Variants in CATSPER1 observed in about 807,000 individuals in gnomAD.
CATSPER1 encodes the protein cation channel sperm-associated protein 1.
CATSPER1 carries 57 observed loss-of-function variants against 72.7 expected under a neutral mutation model. The ratio of observed to expected loss-of-function variants is 0.78; its 90% confidence interval spans 0.63 to 0.98. The LOEUF is 0.98. Among genes scored for constraint, CATSPER1 ranks in the 50% least tolerant of loss-of-function variants. The probability of loss-of-function intolerance (pLI) is 0.00; values close to 1 mark genes in which losing one functional copy is unlikely to be tolerated. For synonymous variants in CATSPER1, 363 were observed against 403.0 expected (o/e 0.90, Z 1.19); for missense variants, 910 against 1,033.9 (o/e 0.88, Z 1.64).
chr11:66,021,021 C>A (rs1856356152), intron 5 of CATSPER1, 67 bp from the exon 6 acceptor site: 1 of 1,609,104 alleles, frequency 6.2e-7, no homozygotes, highest in Non-Finnish European at 8.5e-7. Flanking sequence ...CGTCCTGCCC[C>A]ATCCCTGCTC....
intron 2 of CATSPER1, 110 bp downstream of exon 2, chr11:66,022,739 G>T: frequency 1.0e-6 from 1 of 1,004,952 alleles, no homozygotes; most frequent in Non-Finnish European, 1.6e-6. Flanking sequence ...CCAGGGGTGA[G>T]GATCAAGTGA....
rs1378689421 is a variant in CATSPER1 at position 66,025,574 on chromosome 11, T to G, written c.806A>C (p.Gln269Pro). 1 of 1,605,344 alleles carries G rather than the reference T, an allele frequency of 6.2e-7. No individual in the cohort carries two copies. The highest frequency in any genetic ancestry group is 1.3e-5 in the African/African-American group (1 of 74,672). ...GISDYHSEYH[Q>P]GDHHPSEYHH... ...GTACTCACTGGGGTGGTGATCACCT[T>G]GGTGGTACTCGCTGTGATAGTCAGA... Residue 269 changes from glutamine (Q) to proline (P), a missense_variant, in exon 1 of 12, where the codon CAA becomes CCA. By Grantham distance (76) the Gln-to-Pro change is moderately conservative. Transcript: ENST00000312106.
At position 66,025,821 on chromosome 11, in the gene CATSPER1, A is replaced by T. The variant is rs1856489979; in HGVS notation, c.559T>A (p.Tyr187Asn). ...GSYLPHGPNP[Y>N]SESFHHSEAS... is the part of the protein sequence containing the mutation. The stretch of plus-strand genomic sequence containing the variant: ...TCGCTGTGGTGGAAGGACTCACTGT[A>T]GGGATTGGGTCCATGGGGGAGGTAG... Residue 187 changes from tyrosine to asparagine, a missense_variant, in exon 1 of 12, where the codon TAC becomes AAC. Physicochemically the swap from Tyr to Asn is moderately radical, Grantham distance 143. Transcript: ENST00000312106. The T allele has an allele frequency of 1.9e-6, 3 of 1,611,440 alleles. No individual in the cohort carries two copies. The highest frequency in any genetic ancestry group is 2.5e-6 in the Non-Finnish European group (3 of 1,179,156).
Position 66,020,304 on chromosome 11 carries a change from C to T in CATSPER1, c.2064+13G>A, listed in dbSNP as rs1377328463. 6 of 1,614,180 alleles carry T rather than the reference C, an allele frequency of 3.7e-6. No individual in the cohort carries two copies. The highest frequency in any genetic ancestry group is 4.5e-5 in the East Asian group (2 of 44,882). ...TTCCTGATCTGGTCCACCTGTCCCA[C>T]CCCACTCGGTACCTCCTGCTTCGCT... On this transcript the variant is annotated intron_variant, in intron 8 of 11. Coordinates refer to ENST00000312106, the MANE Select transcript of CATSPER1 (RefSeq NM_053054.4). The surrounding 1 kb of genome is among the most constrained non-coding windows in gnomAD (Gnocchi z 4.5).
At position 66,017,193 on chromosome 11, in the gene CATSPER1, G is replaced by GTGGGGGGGGGGGGGGGGGGGC; in HGVS notation, c.2202-20_2202-19insGCCCCCCCCCCCCCCCCCCCA. The GTGGGGGGGGGGGGGGGGGGGC allele has an allele frequency of 2.0e-6, 1 of 493,814 alleles. No individual in the cohort carries two copies. Among genetic ancestry groups the GTGGGGGGGGGGGGGGGGGGGC allele is most frequent in the East Asian group, 5.5e-5 (1 of 18,090 alleles). The allele number at this position is 493,814 out of a possible 1,614,324, so 30.6% of individuals were successfully genotyped here. ...CTGCTGCCTGCGGGTGGGCGGGGGGGTCGCAGAGACAGGGGCTGGGCTGAC... is the reference window on the plus strand; with the variant it reads ...CTGCTGCCTGCGGGTGGGCGGGGGGGTGGGGGGGGGGGGGGGGGGGCTCGCAGAGACAGGGGCTGGGCTGAC... On this transcript the variant is annotated intron_variant, in intron 10 of 11. Transcript: ENST00000312106.
rs530527428 is a variant in CATSPER1 at position 66,020,312 on chromosome 11, G to A, written c.2064+5C>T. On this transcript the variant is annotated splice_donor_5th_base_variant and intron_variant, in intron 8 of 11. Coordinates refer to ENST00000312106, the MANE Select transcript of CATSPER1 (RefSeq NM_053054.4). This position sits in a 1 kb window ranked among gnomAD's most constrained non-coding sequence, Gnocchi z 4.5. ...CTGGTCCACCTGTCCCACCCCACTCGGTACCTCCTGCTTCGCTTTCTCAAG... is the reference window on the plus strand; with the variant it reads ...CTGGTCCACCTGTCCCACCCCACTCAGTACCTCCTGCTTCGCTTTCTCAAG... The A allele has an allele frequency of 3.7e-6, 6 of 1,614,134 alleles. No individual in the cohort carries two copies. Among genetic ancestry groups the A allele is most frequent in the East Asian group, 2.2e-5 (1 of 44,884 alleles).
intron 5 of CATSPER1, 57 bp from the exon 6 acceptor site, chr11:66,021,011 CGTCCT>C: frequency 1.2e-6 from 2 of 1,611,414 alleles, no homozygotes; most frequent in Non-Finnish European, 1.7e-6. Context: ...CAGCGCCCCT[CGTCCT>C]GCCCCATCCC....
At chr11:66,017,231 C>T (rs934077214) in intron 10 of CATSPER1, 57 bp from the exon 11 acceptor site, 5 of 1,333,468 alleles carry the variant, frequency 3.7e-6, no homozygotes, top group African/African-American at 1.4e-5. Context: ...GCTGGCTGGG[C>T]CTACTGCACC....
chr11:66,017,351 A>G (rs1856260058), intron 10 of CATSPER1, among the ~76,000 whole-genome samples, 177 bp from the exon 11 acceptor site: 1 of 152,138 alleles, frequency 6.6e-6, no homozygotes, highest in Non-Finnish European at 1.5e-5. Flanking sequence ...AAAGAGCCCA[A>G]GTCTGCCTGT....
In CATSPER1 at chr11:66,020,766, C is replaced by T. The variant is rs1259542153; in HGVS notation, c.1927+45G>A. On this transcript the variant is annotated intron_variant, in intron 6 of 11. Coordinates refer to ENST00000312106, the MANE Select transcript of CATSPER1 (RefSeq NM_053054.4). This position sits in a 1 kb window ranked among gnomAD's most constrained non-coding sequence, Gnocchi z 4.5. ...GGGTCACTGAGCCCTGGCCGGTCCA[C>T]CCCGCCAATCCCCGGCCCTCCCTGC... 1.2e-6 allele frequency: 2 copies of T among 1,612,702 alleles called. No individual in the cohort carries two copies. The highest frequency in any genetic ancestry group is 8.5e-7 in the Non-Finnish European group (1 of 1,179,536).
rs1286909936 is a variant in CATSPER1, at chr11:66,025,444, A to C, written c.936T>G (p.Ser312Arg). Residue 312 changes from serine (S) to arginine (R), a missense_variant, in exon 1 of 12, where the codon AGT becomes AGG. Ser to Arg is a moderately radical substitution (Grantham distance 110, BLOSUM62 -1). Coordinates refer to ENST00000312106, the MANE Select transcript of CATSPER1 (RefSeq NM_053054.4). ...HQDHHGAYHS[S>R]YLHGDYVQST... Reference sequence around the variant, plus strand: ...TCTGGACGTAGTCGCCATGGAGGTAACTGGAATGATACGCGCCGTGGTGGT... The same window carrying C: ...TCTGGACGTAGTCGCCATGGAGGTACCTGGAATGATACGCGCCGTGGTGGT... 14 of 1,610,494 alleles carry C rather than the reference A, an allele frequency of 8.7e-6. No homozygotes were observed. Among genetic ancestry groups the C allele is most frequent in the Non-Finnish European group, 1.1e-5 (13 of 1,179,394 alleles).
chr11:66,021,981 C>T (rs771337687), intron 2 of CATSPER1, 102 bp from the exon 3 acceptor site: 169 of 896,912 alleles, frequency 1.9e-4, no homozygotes, highest in Admixed American at 9.5e-4. Context: ...AGGCTCTCCC[C>T]GGCTCTGCGT....
Position 66,021,113 on chromosome 11 carries a change from G to A in CATSPER1, c.1764C>T (p.Ile588=). Residue 588 remains isoleucine, a synonymous_variant, in exon 5 of 12, where the codon ATC becomes ATT. Coordinates refer to ENST00000312106, the MANE Select transcript of CATSPER1 (RefSeq NM_053054.4). ...QSLPSIAAIL[I]LMFTCLFLFS... ...GGATACAGAGGCAGGTAAACATGAG[G>A]ATGAGGATGGCTGCGATGGACGGCA... 1.2e-6 allele frequency: 2 copies of A among 1,613,092 alleles called. No individual in the cohort carries two copies. The highest frequency in any genetic ancestry group is 8.5e-7 in the Non-Finnish European group (1 of 1,179,702).
chr11:66,020,443 A>G lies in CATSPER1; in HGVS notation c.1992-54T>C, dbSNP rs1856335975. 6.2e-7 allele frequency: 1 copy of G among 1,609,974 alleles called. No homozygotes were observed. Among genetic ancestry groups the G allele is most frequent in the South Asian group, 1.1e-5 (1 of 91,006 alleles). ...AGCGAGGAGGCCAGAGGAGAGGGGC[A>G]CCCGGTACTTCTTGTGGGTTCAGCG... On this transcript the variant is annotated intron_variant, in intron 7 of 11. Coordinates refer to ENST00000312106, the MANE Select transcript of CATSPER1 (RefSeq NM_053054.4). The surrounding 1 kb of genome is among the most constrained non-coding windows in gnomAD (Gnocchi z 4.5).
At position 66,020,947 on chromosome 11, in the gene CATSPER1, G is replaced by T; in HGVS notation, c.1791C>A (p.Phe597Leu). Residue 597 changes from phenylalanine (F) to leucine (L), a missense_variant, in exon 6 of 12, where the codon TTC becomes TTA. Transcript: ENST00000312106. The surrounding 1 kb of genome is among the most constrained non-coding windows in gnomAD (Gnocchi z 4.5). ...LILMFTCLFL[F>L]SAVLRALFRK... Reference sequence around the variant, plus strand: ...GGAACAGTGCCCGGAGGACCGCGGAGAAGAGGACTGGCTGTTCAGGGCCAA... The same window carrying T: ...GGAACAGTGCCCGGAGGACCGCGGATAAGAGGACTGGCTGTTCAGGGCCAA... 1.2e-6 allele frequency: 2 copies of T among 1,613,968 alleles called. No individual in the cohort carries two copies. The highest frequency in any genetic ancestry group is 1.7e-6 in the Non-Finnish European group (2 of 1,180,026).
Position 66,016,899 on chromosome 11 carries a change from G to A in CATSPER1, c.2334C>T (p.Phe778=). The A allele has an allele frequency of 6.2e-7, 1 of 1,614,034 alleles. No homozygotes were observed. Among genetic ancestry groups the A allele is most frequent in the South Asian group, 1.1e-5 (1 of 91,080 alleles). ...DTTFEAGEED[F]RN is the part of the protein sequence containing the mutation. Reference sequence around the variant, plus strand: ...TGGTGTCCTCCTGGGGTCAATTCCTGAAGTCCTCTTCTCCAGCCTGCAGGG... The same window carrying A: ...TGGTGTCCTCCTGGGGTCAATTCCTAAAGTCCTCTTCTCCAGCCTGCAGGG... The change falls in exon 12 of 12, where the codon TTC becomes TTT. Residue 778 remains phenylalanine, a synonymous_variant. Coordinates refer to ENST00000312106, the MANE Select transcript of CATSPER1 (RefSeq NM_053054.4).
At chr11:66,024,742 A>G (rs10896075) in intron 1 of CATSPER1, among the ~76,000 whole-genome samples, 120,227 of 152,076 alleles carry the variant, frequency 0.79, 48,009 homozygotes, top group Non-Finnish European at 0.84. Context: ...GGACAGATAG[A>G]ATCCACCATG....
At chr11:66,019,391 C>T (rs925827705) in intron 9 of CATSPER1, among the ~76,000 whole-genome samples, 1 of 152,048 alleles carries the variant, frequency 6.6e-6, no homozygotes, top group Non-Finnish European at 1.5e-5. Flanking sequence ...ATTCTCCCGC[C>T]TCAACCTCCC....
At chr11:66,016,967 C>T (rs1442839654) in intron 11 of CATSPER1, 51 bp from the exon 12 acceptor site, 4 of 1,613,714 alleles carry the variant, frequency 2.5e-6, no homozygotes, top group East Asian at 4.5e-5. Flanking sequence ...ACTTTGCCTT[C>T]CCCGATCCCC....
Sources: allele counts gnomAD v4.1 joint callset (sites outside exome capture counted in the v4.1 genomes callset), GRCh38; gene constraint gnomAD v4.1.1; non-coding constraint Gnocchi (gnomAD v3.1); transcripts MANE v1.5; gene names NCBI Gene and HGNC (gene_info 2026-07-23, HGNC 2026-07-21).